Variants in PFDN1 observed in about 807,000 individuals in gnomAD.
The protein encoded by PFDN1 is prefoldin subunit 1, also known as prefoldin 1.
Under a neutral mutation model 17.3 loss-of-function variants are expected in PFDN1, and 6 were observed. The observed-to-expected ratio is 0.35, with a 90% CI of 0.19 to 0.69. The LOEUF (loss-of-function observed/expected upper bound fraction) is 0.69. Ranked by LOEUF, PFDN1 falls within the 30% of genes least tolerant of loss-of-function variation. The probability of loss-of-function intolerance (pLI) is 0.65; values close to 1 mark genes in which losing one functional copy is unlikely to be tolerated. For synonymous variants in PFDN1, 58 were observed against 50.1 expected, an observed-to-expected ratio of 1.16 and a Z score of -0.67; for missense variants, 113 against 146.2, an observed-to-expected ratio of 0.77 and a Z score of 1.17.
At chr5:140,271,367 T>A (rs749123090) in intron 3 of PFDN1, among the ~76,000 whole-genome samples, 1 of 152,216 alleles carries the variant, frequency 6.6e-6, no homozygotes, top group Non-Finnish European at 1.5e-5. Context: ...AAGAGATAAG[T>A]ACTCATGTTT....
intron 3 of PFDN1, among the ~76,000 whole-genome samples, chr5:140,247,927 A>G (rs1764855451): frequency 6.6e-6 from 1 of 152,082 alleles, no homozygotes; most frequent in Non-Finnish European, 1.5e-5. Context: ...CAAAACTCCA[A>G]CTCATGGTGA....
chr5:140,282,955 C>T (rs1302605255), intron 2 of PFDN1, among the ~76,000 whole-genome samples: 1 of 152,144 alleles, frequency 6.6e-6, no homozygotes, highest in Non-Finnish European at 1.5e-5. Flanking sequence ...AAAAGTCAAA[C>T]GAGAAAACAC....
At chr5:140,265,610 T>TG (rs1436502843) in intron 3 of PFDN1, 2 of 151,998 alleles carry the variant, frequency 1.3e-5, no homozygotes, top group East Asian at 1.9e-4. Context: ...AAATTAGTTT[T>TG]GGGGGAAAAA....
At chr5:140,271,689 G>A (rs979267838) in intron 3 of PFDN1, among the ~76,000 whole-genome samples, 1 of 151,984 alleles carries the variant, frequency 6.6e-6, no homozygotes, top group Non-Finnish European at 1.5e-5. Flanking sequence ...AATACTCCAT[G>A]AGAATACCTT....
Position 140,303,061 on chromosome 5 carries a change from C to T in PFDN1, c.13G>A (p.Val5Met), listed in dbSNP as rs1237334157. 2.5e-6 allele frequency: 4 copies of T among 1,612,910 alleles called. No homozygotes were observed. Among genetic ancestry groups the T allele is most frequent in the African/African-American group, 1.3e-5 (1 of 74,906 alleles). MAAP[V>M]DLELKKAFTE... The stretch of plus-strand genomic sequence containing the variant: ...TTTACCTTCTTCAGCTCTAGATCCA[C>T]GGGGGCGGCCATCTTGGTGCACTGT... Residue 5 changes from valine to methionine, a missense_variant, in exon 1 of 4, where the codon GTG (valine) becomes ATG (methionine). Val to Met is a conservative substitution (Grantham distance 21, BLOSUM62 1). Transcript: ENST00000261813.
chr5:140,300,671 T>A (rs1048518773), intron 1 of PFDN1, 89 bp from the exon 2 acceptor site: 1 of 833,892 alleles, frequency 1.2e-6, no homozygotes, highest in South Asian at 1.9e-5. Flanking sequence ...CAAAATATGC[T>A]AGCCAGAGAC....
chr5:140,259,062 T>C (rs1037002240), intron 3 of PFDN1, among the ~76,000 whole-genome samples: 1 of 152,096 alleles, frequency 6.6e-6, no homozygotes, highest in African/African-American at 2.4e-5. Context: ...ATGTGTGTCA[T>C]AGAAACCAAA....
chr5:140,252,838 CAGGGGCAGGGCAGAGCCCTG>C (rs1168958879), intron 3 of PFDN1, among the ~76,000 whole-genome samples: 1 of 152,206 alleles, frequency 6.6e-6, no homozygotes, highest in Non-Finnish European at 1.5e-5. Context: ...CTGCAGCAGG[CAGGGGCAGGGCAGAGCCCTG>C]AGGGCACATG....
At chr5:140,255,089 C>T (rs1193610535) in intron 3 of PFDN1, among the ~76,000 whole-genome samples, 1 of 152,170 alleles carries the variant, frequency 6.6e-6, no homozygotes, top group Non-Finnish European at 1.5e-5. Context: ...TTCTATTAAA[C>T]CTCCTTTATA....
chr5:140,276,300 G>C (rs2126689395), intron 3 of PFDN1, among the ~76,000 whole-genome samples: 1 of 152,236 alleles, frequency 6.6e-6, no homozygotes, highest in African/African-American at 2.4e-5. Context: ...AGTAACCAGA[G>C]AACACAAGAA....
At chr5:140,294,876 C>A (rs1317446306) in intron 2 of PFDN1, among the ~76,000 whole-genome samples, 1 of 151,888 alleles carries the variant, frequency 6.6e-6, no homozygotes, top group Non-Finnish European at 1.5e-5. Flanking sequence ...TTGCTAGACA[C>A]TTATCTAGTT....
At chr5:140,247,238 C>T (rs966531860) in intron 3 of PFDN1, among the ~76,000 whole-genome samples, 1 of 152,012 alleles carries the variant, frequency 6.6e-6, no homozygotes, top group Admixed American at 6.5e-5. Context: ...GCCCAAGTAG[C>T]TGGGACTCTA....
rs76769942 is a variant in PFDN1, at chr5:140,267,374, A to G, written c.285+14075T>C. Among the ~76,000 whole-genome samples, 27 of 152,374 alleles carry G rather than the reference A, an allele frequency of 1.8e-4. No individual in the cohort carries two copies. In the East Asian group the frequency reaches 5.2e-3, roughly 29 times the overall value. ...CCATTGTCAAAAGCCACATTTAAAG[A>G]TCAGCAGAAGACCACAGTTGCCTGG... On this transcript the variant is annotated intron_variant, in intron 3 of 3. Transcript: ENST00000261813.
At chr5:140,302,822 T>C (rs1765767912) in intron 1 of PFDN1, among the ~76,000 whole-genome samples, 1 of 151,988 alleles carries the variant, frequency 6.6e-6, no homozygotes, top group Admixed American at 6.6e-5. Context: ...GCCCGCAGAC[T>C]TACCCGACCC....
At chr5:140,275,171 G>A (rs1765271066) in intron 3 of PFDN1, among the ~76,000 whole-genome samples, 1 of 152,088 alleles carries the variant, frequency 6.6e-6, no homozygotes, top group Admixed American at 6.6e-5. Context: ...CACTTTGGGA[G>A]GCCAAGGCAG....
intron 2 of PFDN1, chr5:140,281,747 T>C: frequency 2.2e-6 from 1 of 461,864 alleles, no homozygotes; most frequent in South Asian, 2.3e-5. Context: ...TTATTTAATA[T>C]AGGAATCAGG....
Position 140,251,904 on chromosome 5 carries a change from G to A in PFDN1, c.286-5847C>T, listed in dbSNP as rs149010876. 9.2e-5 allele frequency among the ~76,000 whole-genome samples: 14 copies of A among 152,234 alleles called. No individual in the cohort carries two copies. In the East Asian group the frequency reaches 2.7e-3, roughly 29 times the overall value. ...GACACAATCTCTCAAATAGACTCCT[G>A]AGGTAATACATCTTGTGACGCTATC... is the stretch of plus-strand genomic sequence containing the variant. On this transcript the variant is annotated intron_variant, in intron 3 of 3. Transcript: ENST00000261813.
At chr5:140,249,155 T>G (rs963789602) in intron 3 of PFDN1, among the ~76,000 whole-genome samples, 3 of 152,220 alleles carry the variant, frequency 2.0e-5, no homozygotes, top group Middle Eastern at 3.2e-3. Flanking sequence ...CTGTTGTGGG[T>G]TGAACTGAAT....
intron 3 of PFDN1, among the ~76,000 whole-genome samples, chr5:140,269,820 T>C (rs1406128253): frequency 1.3e-5 from 2 of 152,230 alleles, no homozygotes; most frequent in Non-Finnish European, 2.9e-5. Context: ...TCTCATTTTA[T>C]GTGAGGAAAC....
Sources: gnomAD v4.1 joint callset for allele counts (sites outside exome capture counted in the v4.1 genomes callset) on GRCh38, gnomAD v4.1.1 for gene constraint, MANE v1.5 for transcripts, NCBI Gene and HGNC (gene_info 2026-07-23, HGNC 2026-07-21) for gene names.